The following FAM241A variants were observed in gnomAD, a reference collection of about 807,000 sequenced individuals.
FAM241A encodes the protein family with sequence similarity 241 member A.
Under a neutral mutation model 12.2 loss-of-function variants are expected in FAM241A, and 7 were observed. The observed-to-expected ratio is 0.58, with a 90% CI of 0.33 to 1.08. FAM241A has a LOEUF of 1.08. Ranked by LOEUF, FAM241A falls within the 50% of genes least tolerant of loss-of-function variation. The pLI, the probability that FAM241A is intolerant of heterozygous loss-of-function variation, is 0.04. For synonymous variants in FAM241A, 74 were observed against 68.2 expected (o/e 1.08, Z -0.42); for missense variants, 161 against 169.7 (o/e 0.95, Z 0.29).
At chr4:112,176,638 G>C (rs1723828308) in intron 1 of FAM241A, among the ~76,000 whole-genome samples, 1 of 152,272 alleles carries the variant, frequency 6.6e-6, no homozygotes. Context: ...TTACTTAAGG[G>C]TTTACCTTTA....
At chr4:112,177,776 T>C (rs1723852613) in intron 1 of FAM241A, among the ~76,000 whole-genome samples, 1 of 152,192 alleles carries the variant, frequency 6.6e-6, no homozygotes, top group Admixed American at 6.5e-5. Context: ...CGCAGTGGGT[T>C]AGGAATTATG....
At chr4:112,171,133 AG>A in intron 1 of FAM241A, 1 of 421,390 alleles carries the variant, frequency 2.4e-6, no homozygotes. Flanking sequence ...GTTATTGTAC[AG>A]GAAAAAAAAT....
At chr4:112,152,200 C>G (rs1314593534) in intron 1 of FAM241A, among the ~76,000 whole-genome samples, 2 of 152,108 alleles carry the variant, frequency 1.3e-5, no homozygotes, top group Admixed American at 6.6e-5. Flanking sequence ...AACTGGGGGC[C>G]TTTTGTCCAT....
intron 1 of FAM241A, among the ~76,000 whole-genome samples, chr4:112,170,170 G>A (rs1723687481): frequency 6.6e-6 from 1 of 152,124 alleles, no homozygotes. Context: ...TATAAAGGCA[G>A]CCTTTCCATG....
chr4:112,177,138 TTACTTAAATTTTTG>T (rs1368267630), intron 1 of FAM241A, among the ~76,000 whole-genome samples: 1 of 152,196 alleles, frequency 6.6e-6, no homozygotes, highest in African/African-American at 2.4e-5. Flanking sequence ...GCAAATAGCT[TTACTTAAATTTTTG>T]TACAGGATGA....
rs1472690942 is a variant in FAM241A at position 112,186,718 on chromosome 4, C to T, written c.179C>T (p.Thr60Ile). ...EQDVEDSQNH[T>I]GEPVGDDYKK... ...GATGTTGAAGACTCACAGAACCACA[C>T]TGGTGAGCCGGTTGGAGATGACTAC... The change falls in exon 2 of 2, where the codon ACT becomes ATT. Residue 60 changes from threonine to isoleucine, a missense_variant. Thr to Ile is a moderately conservative substitution (Grantham distance 89). Transcript: ENST00000309733. 5 of 1,611,862 alleles carry T rather than the reference C, an allele frequency of 3.1e-6. No homozygotes were observed. In the South Asian group the frequency reaches 5.5e-5, roughly 18 times the overall value.
At chr4:112,182,816 T>TA (rs1353088623) in intron 1 of FAM241A, among the ~76,000 whole-genome samples, 1 of 152,210 alleles carries the variant, frequency 6.6e-6, no homozygotes, top group African/African-American at 2.4e-5. Flanking sequence ...AGCCCATTGT[T>TA]AAACATTTAC....
chr4:112,170,819 A>G (rs1723703027), intron 1 of FAM241A, among the ~76,000 whole-genome samples: 4 of 152,222 alleles, frequency 2.6e-5, no homozygotes, highest in Admixed American at 6.5e-5. Flanking sequence ...TTCAGGGGAA[A>G]ACAAGTGGTT....
At chr4:112,156,791 T>G (rs1012327424) in intron 1 of FAM241A, among the ~76,000 whole-genome samples, 9 of 152,212 alleles carry the variant, frequency 5.9e-5, no homozygotes, top group Admixed American at 2.6e-4. Flanking sequence ...CTTAAAAGAT[T>G]TCTGTGAAAC....
intron 1 of FAM241A, among the ~76,000 whole-genome samples, chr4:112,160,206 A>G (rs1330382409): frequency 1.3e-5 from 2 of 152,142 alleles, no homozygotes; most frequent in African/African-American, 4.8e-5. Flanking sequence ...CAGGAGTTCA[A>G]GACCAGTCTG....
Position 112,192,321 on chromosome 4 carries a change from A to C in FAM241A, c.*5383A>C. Reference sequence around the variant, plus strand: ...TTTTTAATAGACCTTTATTTACTACATTTTAATTTTTTAATTTTTTTCTTT... The same window carrying C: ...TTTTTAATAGACCTTTATTTACTACCTTTTAATTTTTTAATTTTTTTCTTT... On this transcript the variant is annotated 3_prime_UTR_variant, in exon 2 of 2. Coordinates refer to ENST00000309733, the MANE Select transcript of FAM241A (RefSeq NM_152400.3). 1 of 151,922 alleles carries C rather than the reference A, an allele frequency of 6.6e-6. No individual in the cohort carries two copies. Among genetic ancestry groups the C allele is most frequent in the Admixed American group, 6.6e-5 (1 of 15,240 alleles). The allele number at this position is 151,922 out of a possible 1,614,324, so 9.4% of individuals were successfully genotyped here.
Position 112,194,541 on chromosome 4 carries a change from G to A in FAM241A, c.*7603G>A, listed in dbSNP as rs1335500807. 1 of 152,024 alleles carries A rather than the reference G, an allele frequency of 6.6e-6. No homozygotes were observed. The highest frequency in any genetic ancestry group is 1.5e-5 in the Non-Finnish European group (1 of 68,010). 9.4% of individuals were successfully genotyped at this position (152,024 alleles called of 1,614,324 possible). On this transcript the variant is annotated 3_prime_UTR_variant, in exon 2 of 2. Transcript: ENST00000309733. ...ACGTCCCATCAATACCTGATTTATT[G>A]AGAGTTTTTAGCATGAAGCGTTGTT... is the stretch of plus-strand genomic sequence containing the variant.
At chr4:112,146,121 A>G (rs1464959709) in intron 1 of FAM241A, among the ~76,000 whole-genome samples, 1 of 152,118 alleles carries the variant, frequency 6.6e-6, no homozygotes, top group Non-Finnish European at 1.5e-5. Context: ...GCCCTGCGCC[A>G]GGTTTAGGAG....
chr4:112,192,874 G>T lies in FAM241A; in HGVS notation c.*5936G>T, dbSNP rs1182854748. On this transcript the variant is annotated 3_prime_UTR_variant, in exon 2 of 2. Coordinates refer to ENST00000309733, the MANE Select transcript of FAM241A (RefSeq NM_152400.3). ...TGAGTATATACCCAGTAATGGGATGGCTGGGTCAAATGGTATTTCTAGTTC... is the reference window on the plus strand; with the variant it reads ...TGAGTATATACCCAGTAATGGGATGTCTGGGTCAAATGGTATTTCTAGTTC... The T allele has an allele frequency of 1.3e-5, 2 of 151,766 alleles. No homozygotes were observed. The highest frequency in any genetic ancestry group is 2.9e-5 in the Non-Finnish European group (2 of 67,926). 9.4% of individuals were successfully genotyped at this position (151,766 alleles called of 1,614,324 possible).
chr4:112,172,268 G>T (rs1485502072), intron 1 of FAM241A, among the ~76,000 whole-genome samples: 1 of 152,020 alleles, frequency 6.6e-6, no homozygotes, highest in Non-Finnish European at 1.5e-5. Flanking sequence ...TTTAAACATT[G>T]CTTGTTGTTT....
chr4:112,163,912 C>T (rs943859405), intron 1 of FAM241A, among the ~76,000 whole-genome samples: 2 of 152,234 alleles, frequency 1.3e-5, no homozygotes, highest in Non-Finnish European at 2.9e-5. Flanking sequence ...GGCACATGTA[C>T]ACCATGGAAT....
At chr4:112,146,098 A>C (rs1014898295) in intron 1 of FAM241A, among the ~76,000 whole-genome samples, 1 of 151,910 alleles carries the variant, frequency 6.6e-6, no homozygotes. Flanking sequence ...TTCTTTTTCA[A>C]CTTCGAGTCC....
intron 1 of FAM241A, among the ~76,000 whole-genome samples, chr4:112,155,869 A>G (rs1180348945): frequency 6.6e-6 from 1 of 152,196 alleles, no homozygotes; most frequent in Non-Finnish European, 1.5e-5. Flanking sequence ...CAGTATTTCT[A>G]AAAGGAAATT....
At chr4:112,157,136 C>T (rs748522172) in intron 1 of FAM241A, among the ~76,000 whole-genome samples, 1 of 152,076 alleles carries the variant, frequency 6.6e-6, no homozygotes, top group African/African-American at 2.4e-5. Context: ...TGTAACTCAT[C>T]ATCAAGAGGG....
Sources: gnomAD v4.1 joint callset for allele counts (sites outside exome capture counted in the v4.1 genomes callset) on GRCh38, gnomAD v4.1.1 for gene constraint, MANE v1.5 for transcripts, NCBI Gene and HGNC (gene_info 2026-07-23, HGNC 2026-07-21) for gene names.